Variants in MAPK10 observed in about 807,000 individuals in gnomAD.
The protein encoded by MAPK10 is mitogen-activated protein kinase 10, also known as JNK3 alpha protein kinase.
Under a neutral mutation model 59.3 loss-of-function variants are expected in MAPK10, and 25 were observed. That is an observed-to-expected ratio of 0.42 (90% CI 0.31 to 0.59). The LOEUF is 0.59. Ranked by LOEUF, MAPK10 falls within the 20% of genes least tolerant of loss-of-function variation. MAPK10 has a pLI of 0.15. For missense variants in MAPK10, 351 were observed against 568.9 expected, an observed-to-expected ratio of 0.62 and a Z score of 3.90; for synonymous variants, 190 against 200.5, an observed-to-expected ratio of 0.95 and a Z score of 0.44.
intron 11 of MAPK10, among the ~76,000 whole-genome samples, chr4:86,063,941 A>G (rs1348099986): frequency 6.6e-6 from 1 of 152,204 alleles, no homozygotes; most frequent in Non-Finnish European, 1.5e-5. Context: ...GTTTCCTACC[A>G]CTAAGTTTGC....
At chr4:86,230,788 A>C (rs2091423105) in intron 2 of MAPK10, among the ~76,000 whole-genome samples, 1 of 152,204 alleles carries the variant, frequency 6.6e-6, no homozygotes, top group African/African-American at 2.4e-5. Context: ...AATAGCATAT[A>C]ACAACATCTG....
At chr4:86,546,216 C>CT (rs928271109) in intron 1 of MAPK10, among the ~76,000 whole-genome samples, 1 of 151,124 alleles carries the variant, frequency 6.6e-6, no homozygotes, top group Non-Finnish European at 1.5e-5. Context: ...GAGCGAGACT[C>CT]TTGTCTCCAA....
chr4:86,585,629 A>C (rs1201843820), intron 1 of MAPK10, among the ~76,000 whole-genome samples: 1 of 152,170 alleles, frequency 6.6e-6, no homozygotes, highest in Non-Finnish European at 1.5e-5. Context: ...AACTTTTTAG[A>C]ATAGCTGAAG....
At chr4:86,156,980 G>A (rs1344470538) in intron 4 of MAPK10, among the ~76,000 whole-genome samples, 1 of 151,992 alleles carries the variant, frequency 6.6e-6, no homozygotes, top group Non-Finnish European at 1.5e-5. Flanking sequence ...CTCAAAGGCA[G>A]AAGGAAAATT....
chr4:86,154,634 G>T (rs1329043606), intron 4 of MAPK10, among the ~76,000 whole-genome samples: 1 of 152,124 alleles, frequency 6.6e-6, no homozygotes, highest in East Asian at 1.9e-4. Flanking sequence ...GCAATTTTAT[G>T]TATCTAGCTT....
chr4:86,378,648 A>T (rs1436927539), intron 1 of MAPK10, among the ~76,000 whole-genome samples: 1 of 152,228 alleles, frequency 6.6e-6, no homozygotes, highest in East Asian at 1.9e-4. Flanking sequence ...GAATGATTGA[A>T]TGCAACAATC....
chr4:86,428,057 G>C (rs151327445), intron 1 of MAPK10, among the ~76,000 whole-genome samples: 1 of 152,166 alleles, frequency 6.6e-6, no homozygotes, highest in East Asian at 1.9e-4. Flanking sequence ...GAGCTCAGCA[G>C]ATGAGGTTGA....
rs141953551 is a variant in MAPK10, at chr4:86,527,036, C to T, written c.-263+66874G>A. On this transcript the variant is annotated intron_variant, in intron 1 of 4. Coordinates refer to the MAPK10 transcript ENST00000502302. ...AAAAGCAGGCAAAAGTGGCTGGGCA[C>T]AGTAGCTCATGCCTATAGTCCCAGC... Among the ~76,000 whole-genome samples, 91 of 152,192 alleles carry T rather than the reference C, an allele frequency of 6.0e-4. No homozygotes were observed. The East Asian group carries it at 0.017, about 29-fold the overall frequency.
chr4:86,187,907 A>G lies in MAPK10; in HGVS notation c.66+6429T>C, dbSNP rs1428400563. On this transcript the variant is annotated intron_variant, in intron 3 of 13. Coordinates refer to ENST00000641462, the MANE Select transcript of MAPK10 (RefSeq NM_138982.4). ...TACATTAGGTGTTTCTCCTAATTCT[A>G]TCCCTCTCGACATGCCCTGGTGTGT... is the stretch of plus-strand genomic sequence containing the variant. 1.1e-4 allele frequency among the ~76,000 whole-genome samples: 16 copies of G among 151,736 alleles called. No homozygotes were observed. The East Asian group carries it at 3.1e-3, about 29-fold the overall frequency.
chr4:86,163,840 G>A (rs911267685), intron 3 of MAPK10, among the ~76,000 whole-genome samples: 3 of 152,116 alleles, frequency 2.0e-5, no homozygotes, highest in Admixed American at 6.6e-5. Flanking sequence ...TAAAAATAAT[G>A]TCATAAAAGA....
chr4:86,554,696 C>T lies in MAPK10; in HGVS notation c.-263+39214G>A, dbSNP rs186619381. On this transcript the variant is annotated intron_variant, in intron 1 of 4. Transcript: ENST00000502302. The stretch of plus-strand genomic sequence containing the variant: ...CTCCCCCATCAATCTCTCCTATAAT[C>T]CATCTTTTACATTCCTAACATCATT... 5.3e-5 allele frequency among the ~76,000 whole-genome samples: 8 copies of T among 152,282 alleles called. No homozygotes were observed. In the East Asian group the frequency reaches 1.5e-3, roughly 29 times the overall value.
At chr4:86,098,864 T>C (rs981836526) in intron 8 of MAPK10, 7 of 335,658 alleles carry the variant, frequency 2.1e-5, no homozygotes, top group Admixed American at 4.1e-5. Context: ...AGTGGTGACA[T>C]TGGTGACTGA....
chr4:86,349,316 T>C (rs967893303), intron 2 of MAPK10, among the ~76,000 whole-genome samples: 1 of 152,224 alleles, frequency 6.6e-6, no homozygotes, highest in African/African-American at 2.4e-5. Context: ...TCTCTTTAGC[T>C]ATGTGTTTTT....
chr4:86,323,396 T>G (rs1484187608), intron 2 of MAPK10, among the ~76,000 whole-genome samples: 2 of 152,338 alleles, frequency 1.3e-5, no homozygotes. Context: ...AGAAGTGGTG[T>G]TTGCCAATCT....
intron 1 of MAPK10, among the ~76,000 whole-genome samples, chr4:86,488,284 GA>G (rs1383929877): frequency 1.3e-5 from 2 of 152,144 alleles, no homozygotes; most frequent in Non-Finnish European, 2.9e-5. Flanking sequence ...CACAGCTGAT[GA>G]AAAAGAACCT....
intron 2 of MAPK10, among the ~76,000 whole-genome samples, chr4:86,263,061 T>C (rs6531914): frequency 0.37 from 55,878 of 151,992 alleles, 12,835 homozygotes; most frequent in African/African-American, 0.65. Flanking sequence ...GTCACAGCTT[T>C]TGTGATATGA....
At chr4:86,427,026 G>A (rs1747371726) in intron 1 of MAPK10, among the ~76,000 whole-genome samples, 1 of 151,938 alleles carries the variant, frequency 6.6e-6, no homozygotes, top group African/African-American at 2.4e-5. Context: ...GAGAGGCTGA[G>A]GCGGGCAGAT....
chr4:86,131,747 A>T (rs1158082937), intron 4 of MAPK10, among the ~76,000 whole-genome samples: 1 of 152,220 alleles, frequency 6.6e-6, no homozygotes, highest in Non-Finnish European at 1.5e-5. Context: ...TAAATATTTT[A>T]AAATAATGTT....
chr4:86,435,445 C>T (rs1748595398), intron 1 of MAPK10, among the ~76,000 whole-genome samples: 3 of 151,034 alleles, frequency 2.0e-5, no homozygotes, highest in Non-Finnish European at 2.9e-5. Flanking sequence ...TGCAGTGAGC[C>T]GAGATCACAC....
Sources: gnomAD v4.1 joint callset for allele counts (sites outside exome capture counted in the v4.1 genomes callset) on GRCh38, gnomAD v4.1.1 for gene constraint, MANE v1.5 for transcripts, NCBI Gene and HGNC (gene_info 2026-07-23, HGNC 2026-07-21) for gene names.